The following CNTLN variants were observed in gnomAD, a reference collection of about 807,000 sequenced individuals.
The protein encoded by CNTLN is centlein, centrosomal protein.
CNTLN carries 212 observed loss-of-function variants against 180.0 expected under a neutral mutation model. The ratio of observed to expected loss-of-function variants is 1.18; its 90% CI spans 1.05 to 1.32. The LOEUF is 1.32. CNTLN is among the 40% of genes most tolerant of loss of function. The pLI, the probability that CNTLN is intolerant of heterozygous loss-of-function variation, is 0.00. For synonymous variants in CNTLN, 722 were observed against 563.1 expected (o/e 1.28, Z -3.99); for missense variants, 2,095 against 1,610.9 (o/e 1.30, Z -5.14).
At chr9:17,408,488 T>C (rs1327882341) in intron 15 of CNTLN, among the ~76,000 whole-genome samples, 1 of 152,014 alleles carries the variant, frequency 6.6e-6, no homozygotes, top group African/African-American at 2.4e-5. Flanking sequence ...ACTACTGCCT[T>C]AGCCTTCATG....
chr9:17,354,824 C>T (rs992964462), intron 12 of CNTLN, among the ~76,000 whole-genome samples: 1 of 152,064 alleles, frequency 6.6e-6, no homozygotes, highest in African/African-American at 2.4e-5. Context: ...TCGCTCTTTG[C>T]AATAAATCTT....
At chr9:17,282,854 C>T (rs982663787) in intron 6 of CNTLN, among the ~76,000 whole-genome samples, 8 of 152,262 alleles carry the variant, frequency 5.3e-5, no homozygotes, top group African/African-American at 1.9e-4. Context: ...AATCCTTTCC[C>T]CATTGCTTGT....
At chr9:17,284,748 G>A (rs971703547) in intron 6 of CNTLN, among the ~76,000 whole-genome samples, 4 of 151,988 alleles carry the variant, frequency 2.6e-5, no homozygotes, top group Admixed American at 2.0e-4. Flanking sequence ...TTTCATGTCT[G>A]TATCTCCTTC....
chr9:17,435,674 T>C (rs1157763593), intron 18 of CNTLN, among the ~76,000 whole-genome samples: 3 of 151,964 alleles, frequency 2.0e-5, no homozygotes, highest in Non-Finnish European at 4.4e-5. Context: ...GAGATTCTCC[T>C]GCTTCAGCCT....
chr9:17,141,181 G>T (rs1451607256), intron 1 of CNTLN, among the ~76,000 whole-genome samples: 1 of 152,096 alleles, frequency 6.6e-6, no homozygotes, highest in East Asian at 1.9e-4. Context: ...AATTGTTTCT[G>T]TAACTAAAAA....
chr9:17,363,577 GA>G lies in CNTLN; in HGVS notation c.1887-3037del, dbSNP rs1823577824. Among the ~76,000 whole-genome samples the G allele has an allele frequency of 3.4e-5, 5 of 146,268 alleles. No homozygotes were observed. The Admixed American group carries it at 3.4e-4, about 10-fold the overall frequency. On this transcript the variant is annotated intron_variant, in intron 12 of 25. Transcript: ENST00000380647. The stretch of plus-strand genomic sequence containing the variant: ...TTTTATTCTTTAAATAATTATTCTT[GA>G]AATTATAACATACATCATTTATTTG...
At chr9:17,139,356 G>T (rs1030684678) in intron 1 of CNTLN, among the ~76,000 whole-genome samples, 7 of 151,864 alleles carry the variant, frequency 4.6e-5, no homozygotes, top group African/African-American at 1.7e-4. Flanking sequence ...AAAGTGCTGG[G>T]ATTACAGATG....
chr9:17,275,148 C>T (rs998194712), intron 6 of CNTLN, among the ~76,000 whole-genome samples: 1 of 152,032 alleles, frequency 6.6e-6, no homozygotes, highest in Non-Finnish European at 1.5e-5. Flanking sequence ...TATTCTTATC[C>T]TCTTCCTAGT....
At chr9:17,427,213 A>G (rs1564097221) in intron 18 of CNTLN, among the ~76,000 whole-genome samples, 1 of 151,558 alleles carries the variant, frequency 6.6e-6, no homozygotes, top group Non-Finnish European at 1.5e-5. Flanking sequence ...ACCTCCAGTC[A>G]CATGCTCCGT....
intron 2 of CNTLN, among the ~76,000 whole-genome samples, chr9:17,213,667 C>G (rs1041898368): frequency 4.6e-5 from 7 of 152,126 alleles, no homozygotes; most frequent in African/African-American, 1.7e-4. Context: ...GTTATCGTCT[C>G]CCATTATTAT....
At chr9:17,295,037 C>T (rs1010913603) in intron 6 of CNTLN, among the ~76,000 whole-genome samples, 2 of 151,814 alleles carry the variant, frequency 1.3e-5, no homozygotes, top group African/African-American at 2.4e-5. Flanking sequence ...GCCAACACTG[C>T]TGGGGGACCT....
At chr9:17,445,996 G>C (rs1343508963) in intron 18 of CNTLN, among the ~76,000 whole-genome samples, 1 of 152,208 alleles carries the variant, frequency 6.6e-6, no homozygotes, top group Non-Finnish European at 1.5e-5. Flanking sequence ...GCATTGAGCT[G>C]TTTATGTGTA....
chr9:17,268,778 G>C (rs1388011010), intron 5 of CNTLN, among the ~76,000 whole-genome samples: 1 of 151,902 alleles, frequency 6.6e-6, no homozygotes. Flanking sequence ...CCACCTTGCA[G>C]TTTGGTCTCA....
At chr9:17,427,111 C>T (rs1035858785) in intron 18 of CNTLN, among the ~76,000 whole-genome samples, 2 of 152,158 alleles carry the variant, frequency 1.3e-5, no homozygotes, top group East Asian at 3.9e-4. Flanking sequence ...CAAATTTGGC[C>T]TCTCCGAGCC....
chr9:17,471,696 A>G (rs1832048823), intron 23 of CNTLN, among the ~76,000 whole-genome samples: 1 of 152,044 alleles, frequency 6.6e-6, no homozygotes, highest in African/African-American at 2.4e-5. Context: ...TTAGCAAATG[A>G]TAATTTACAG....
chr9:17,478,121 A>T (rs968292561), intron 23 of CNTLN, among the ~76,000 whole-genome samples: 4 of 152,242 alleles, frequency 2.6e-5, no homozygotes, highest in African/African-American at 9.6e-5. Context: ...ATTTTTAATA[A>T]TAAAGTATTT....
At chr9:17,517,306 G>C in the CNTLN span, among the ~76,000 whole-genome samples, 243 of 151,784 alleles carry the variant, frequency 1.6e-3, no homozygotes, top group African/African-American at 5.2e-3. Context: ...GCAGGAGAAT[G>C]GCGTGAACCC....
At chr9:17,268,737 A>C (rs1827702241) in intron 5 of CNTLN, among the ~76,000 whole-genome samples, 1 of 152,168 alleles carries the variant, frequency 6.6e-6, no homozygotes, top group East Asian at 1.9e-4. Context: ...AAGCCTGGGC[A>C]ATGGCAGGCA....
intron 24 of CNTLN, among the ~76,000 whole-genome samples, chr9:17,484,745 C>T (rs1384112082): frequency 6.6e-6 from 1 of 151,916 alleles, no homozygotes; most frequent in Non-Finnish European, 1.5e-5. Context: ...TTCCTATCTC[C>T]TCCATTTTCT....
Sources: gnomAD v4.1 joint callset for allele counts (sites outside exome capture counted in the v4.1 genomes callset) on GRCh38, gnomAD v4.1.1 for gene constraint, MANE v1.5 for transcripts, NCBI Gene and HGNC (gene_info 2026-07-23, HGNC 2026-07-21) for gene names.